ACYP2: variants seen among roughly 807,000 people sequenced by gnomAD.
ACYP2 encodes the protein acylphosphatase-2.
A neutral mutation model predicts 11.2 loss-of-function variants in ACYP2; 12 were observed. The observed-to-expected ratio is 1.08, with a 90% CI of 0.69 to 1.74. The LOEUF (loss-of-function observed/expected upper bound fraction) is 1.74, where lower values mean the gene tolerates loss of function less well. ACYP2 is among the 40% of genes most tolerant of loss of function. The pLI is 0.00. For missense variants in ACYP2, 134 were observed against 101.9 expected (o/e 1.31, Z -1.35); for synonymous variants, 43 against 32.2 (o/e 1.33, Z -1.13).
intron 6 of ACYP2, among the ~76,000 whole-genome samples, chr2:54,152,224 A>C (rs11125523): frequency 0.77 from 115,974 of 150,736 alleles, 45,254 homozygotes; most frequent in East Asian, 0.92. Context: ...CTCAAGTGAT[A>C]CTCCTGCCTC....
intron 2 of ACYP2, among the ~76,000 whole-genome samples, chr2:54,041,091 C>T (rs908895165): frequency 3.9e-5 from 5 of 129,082 alleles, no homozygotes; most frequent in Non-Finnish European, 6.5e-5. Flanking sequence ...TCCTCTCTCT[C>T]TCTTTCTTTC....
At chr2:53,996,066 G>A (rs1370928004) in intron 2 of ACYP2, among the ~76,000 whole-genome samples, 3 of 151,874 alleles carry the variant, frequency 2.0e-5, no homozygotes, top group Non-Finnish European at 4.4e-5. Context: ...CCTGGGAGGT[G>A]GAGATGGCAG....
At chr2:54,052,529 A>G (rs1037002693) in intron 3 of ACYP2, among the ~76,000 whole-genome samples, 14 of 152,238 alleles carry the variant, frequency 9.2e-5, no homozygotes, top group African/African-American at 2.9e-4. Context: ...GCAGCTTATA[A>G]GAAACAATTG....
At chr2:54,045,221 A>G (rs1016843834) in intron 2 of ACYP2, among the ~76,000 whole-genome samples, 6 of 152,244 alleles carry the variant, frequency 3.9e-5, no homozygotes, top group Admixed American at 3.9e-4. Context: ...CAACTGATCA[A>G]TGACCCCAGT....
intron 2 of ACYP2, among the ~76,000 whole-genome samples, chr2:53,997,874 G>A (rs975333439): frequency 1.3e-5 from 2 of 152,152 alleles, no homozygotes; most frequent in African/African-American, 2.4e-5. Context: ...TCACGGAAAT[G>A]AATGACCCTC....
intron 4 of ACYP2, among the ~76,000 whole-genome samples, chr2:54,130,741 A>G (rs969217671): frequency 3.3e-5 from 5 of 152,204 alleles, no homozygotes; most frequent in African/African-American, 9.7e-5. Flanking sequence ...AATGAGTACA[A>G]TGCATGGGTT....
intron 6 of ACYP2, among the ~76,000 whole-genome samples, chr2:54,197,704 A>G (rs1684549803): frequency 6.6e-6 from 1 of 152,164 alleles, no homozygotes; most frequent in Admixed American, 6.5e-5. Flanking sequence ...CGAGGCAGGA[A>G]CACATTTTCT....
In ACYP2 at chr2:54,197,914, A is replaced by ATTATT. The variant is rs1211194271; in HGVS notation, c.404+59178_404+59182dup. Among the ~76,000 whole-genome samples, 10 of 114,330 alleles carry ATTATT rather than the reference A, an allele frequency of 8.7e-5. No individual in the cohort carries two copies. The East Asian group carries it at 3.7e-3, about 42-fold the overall frequency. The allele number at this position is 114,330 out of a possible 152,430, so 75.0% of individuals were successfully genotyped here. On this transcript the variant is annotated intron_variant, in intron 6 of 6. Coordinates refer to ENST00000607452, the MANE Select transcript of ACYP2 (RefSeq NM_001320586.2). Reference sequence around the variant, plus strand: ...TTAGGATTTTATTTTATTTTATTTTATTATTTTATTTTATTTATGTATGTA... The same window carrying ATTATT: ...TTAGGATTTTATTTTATTTTATTTTATTATTTTATTTTATTTTATTTATGTATGTA...
chr2:54,260,106 A>G (rs771359734), intron 6 of ACYP2, among the ~76,000 whole-genome samples: 2 of 152,150 alleles, frequency 1.3e-5, no homozygotes, highest in African/African-American at 2.4e-5. Context: ...GGAGAAGGAG[A>G]TGTCAGCTTT....
At chr2:54,136,455 AT>A (rs538100096) in intron 5 of ACYP2, among the ~76,000 whole-genome samples, 75 of 152,084 alleles carry the variant, frequency 4.9e-4, no homozygotes, top group African/African-American at 1.5e-3. Flanking sequence ...GGGTTCCAAT[AT>A]TTTCCCACTG....
intron 4 of ACYP2, among the ~76,000 whole-genome samples, chr2:54,078,037 T>G (rs1677438984): frequency 6.6e-6 from 1 of 151,732 alleles, no homozygotes; most frequent in Admixed American, 6.6e-5. Flanking sequence ...TGGCACTGTC[T>G]CTGCTCACTG....
chr2:54,009,788 C>A (rs11676433), intron 2 of ACYP2, among the ~76,000 whole-genome samples: 9,981 of 152,248 alleles, frequency 0.066, 434 homozygotes, highest in Non-Finnish European at 0.094. Flanking sequence ...AAATGGAATA[C>A]TGATACTAAC....
intron 6 of ACYP2, among the ~76,000 whole-genome samples, chr2:54,201,858 G>A (rs1429935884): frequency 4.6e-5 from 7 of 151,190 alleles, no homozygotes; most frequent in East Asian, 2.0e-4. Flanking sequence ...ACAGGTGTGC[G>A]CCCCCACGCC....
At chr2:54,141,924 A>T in intron 6 of ACYP2, 2 of 610,112 alleles carry the variant, frequency 3.3e-6, no homozygotes, top group Non-Finnish European at 6.1e-6. Context: ...TGCAGCCTTG[A>T]CCTTCTGGGC....
At position 54,128,030 on chromosome 2, in the gene ACYP2, T is replaced by A. The variant is rs530809780; in HGVS notation, c.278-7423T>A. ...ATTTTCTTTTGCAACATCCACCAAA[T>A]CTTCAAATAAGTGTTTTATAAAGTG... On this transcript the variant is annotated intron_variant, in intron 4 of 6. Transcript: ENST00000607452. Among the ~76,000 whole-genome samples, 99 of 152,322 alleles carry A rather than the reference T, an allele frequency of 6.5e-4. 1 individual carries two copies. Among genetic ancestry groups the A allele is most frequent in the African/African-American group, 2.2e-3 (93 of 41,566 alleles).
chr2:54,275,175 A>G (rs761542073), intron 6 of ACYP2, among the ~76,000 whole-genome samples: 1 of 152,250 alleles, frequency 6.6e-6, no homozygotes, highest in Non-Finnish European at 1.5e-5. Context: ...TGGATGACCA[A>G]ATTGAGGCTG....
chr2:54,080,196 A>G (rs1428036984), intron 4 of ACYP2: 2 of 159,258 alleles, frequency 1.3e-5, no homozygotes, highest in Non-Finnish European at 2.8e-5. Flanking sequence ...GTTTTGAATG[A>G]TGAACCTAAT....
At chr2:54,215,361 T>G (rs1685518239) in intron 6 of ACYP2, among the ~76,000 whole-genome samples, 1 of 152,176 alleles carries the variant, frequency 6.6e-6, no homozygotes, top group South Asian at 2.1e-4. Context: ...TTTTGCCTAT[T>G]GAGTATGATG....
At chr2:54,131,735 C>T (rs1680911287) in intron 4 of ACYP2, among the ~76,000 whole-genome samples, 1 of 152,126 alleles carries the variant, frequency 6.6e-6, no homozygotes, top group Non-Finnish European at 1.5e-5. Context: ...CCTTTTGATG[C>T]AATTCTTACC....
Sources: gnomAD v4.1 joint callset for allele counts (sites outside exome capture counted in the v4.1 genomes callset) on GRCh38, gnomAD v4.1.1 for gene constraint, MANE v1.5 for transcripts, NCBI Gene and HGNC (gene_info 2026-07-23, HGNC 2026-07-21) for gene names.